DLC1: variants seen among roughly 807,000 people sequenced by gnomAD.
DLC1 encodes the protein DLC1 Rho GTPase activating protein, also known as rho GTPase-activating protein 7.
DLC1 carries 54 observed loss-of-function variants against 140.3 expected under a neutral mutation model. The ratio of observed to expected loss-of-function variants is 0.38; its 90% CI spans 0.31 to 0.48. DLC1 has a LOEUF of 0.48. Among genes scored for constraint, DLC1 ranks in the 20% least tolerant of loss-of-function variants. The pLI, the probability that DLC1 is intolerant of heterozygous loss-of-function variation, is 0.96. For synonymous variants in DLC1, 986 were observed against 728.1 expected (o/e 1.35, Z -5.70); for missense variants, 2,536 against 1,907.0 (o/e 1.33, Z -6.14).
At chr8:13,139,777 G>C (rs1385199183) in intron 5 of DLC1, among the ~76,000 whole-genome samples, 1 of 152,186 alleles carries the variant, frequency 6.6e-6, no homozygotes, top group Non-Finnish European at 1.5e-5. Context: ...TCTTTCGTGT[G>C]TCCCCTGACT....
intron 4 of DLC1, among the ~76,000 whole-genome samples, chr8:13,354,380 C>T (rs1016896354): frequency 4.6e-5 from 7 of 152,094 alleles, no homozygotes; most frequent in African/African-American, 1.7e-4. Context: ...ATGAGACTAT[C>T]CTCCTCGCCT....
chr8:13,115,314 A>T (rs1820454590), intron 6 of DLC1, among the ~76,000 whole-genome samples: 1 of 152,230 alleles, frequency 6.6e-6, no homozygotes, highest in South Asian at 2.1e-4. Context: ...GAGTAGAATT[A>T]TACAAAAAGA....
intron 5 of DLC1, chr8:13,132,869 C>T (rs1822232406): frequency 1.3e-6 from 2 of 1,532,152 alleles, no homozygotes; most frequent in East Asian, 2.4e-5. Flanking sequence ...GGCGGGGTGA[C>T]ACTTTCTCGC....
At chr8:13,353,289 C>T (rs1189571964) in intron 4 of DLC1, 1 of 151,978 alleles carries the variant, frequency 6.6e-6, no homozygotes, top group Non-Finnish European at 1.5e-5. Flanking sequence ...TTTTTTCCCT[C>T]AACTACATAT....
chr8:13,218,534 C>G (rs117450905), intron 5 of DLC1, among the ~76,000 whole-genome samples: 8,778 of 151,868 alleles, frequency 0.058, 358 homozygotes, highest in South Asian at 0.09. Context: ...CTCAGGGTTA[C>G]TAGCCATTAG....
intron 4 of DLC1, among the ~76,000 whole-genome samples, chr8:13,348,067 C>T (rs1014305897): frequency 4.7e-5 from 7 of 148,748 alleles, no homozygotes; most frequent in East Asian, 2.0e-4. Context: ...CCAGCCTGGG[C>T]GACAGAGCAA....
At chr8:13,385,303 A>G (rs1209428808) in intron 4 of DLC1, among the ~76,000 whole-genome samples, 1 of 152,212 alleles carries the variant, frequency 6.6e-6, no homozygotes, top group Admixed American at 6.6e-5. Flanking sequence ...AATCTACAGT[A>G]AAGAGGAAAC....
At chr8:13,582,641 T>A (rs140991126) in intron 1 of DLC1, among the ~76,000 whole-genome samples, 68 of 152,064 alleles carry the variant, frequency 4.5e-4, no homozygotes, top group African/African-American at 1.6e-3. Flanking sequence ...AAACGGCCTA[T>A]TGCGGGATCT....
chr8:13,172,178 T>C (rs1232762985), intron 5 of DLC1, among the ~76,000 whole-genome samples: 1 of 152,228 alleles, frequency 6.6e-6, no homozygotes, highest in Admixed American at 6.5e-5. Context: ...AGTATTAAAG[T>C]GGTAATTATT....
At chr8:13,316,621 T>C (rs147616544) in intron 4 of DLC1, among the ~76,000 whole-genome samples, 1 of 152,166 alleles carries the variant, frequency 6.6e-6, no homozygotes, top group African/African-American at 2.4e-5. Context: ...GGTTGGATTA[T>C]CTAATCCTCT....
intron 5 of DLC1, among the ~76,000 whole-genome samples, chr8:13,299,769 G>C (rs1425781358): frequency 6.6e-6 from 1 of 152,158 alleles, no homozygotes; most frequent in Non-Finnish European, 1.5e-5. Flanking sequence ...GGAAACCCCA[G>C]GGCCAGAGGA....
At position 13,099,773 on chromosome 8, in the gene DLC1, T is replaced by C; in HGVS notation, c.2564A>G (p.Asn855Ser). 1.2e-6 allele frequency: 2 copies of C among 1,614,064 alleles called. No homozygotes were observed. The highest frequency in any genetic ancestry group is 1.7e-6 in the Non-Finnish European group (2 of 1,180,006). Residue 855 changes from asparagine to serine, a missense_variant, in exon 9 of 18, where the codon AAC becomes AGC. Physicochemically the swap from Asn to Ser is conservative, Grantham distance 46 (BLOSUM62 1). Coordinates refer to ENST00000276297, the MANE Select transcript of DLC1 (RefSeq NM_182643.3). ...GPGHISLRRE[N>S]SSDSPKELKR... ...CAGTTCCTTGGGGCTGTCGCTACTG[T>C]TTTCCCTCCTGAGGCTGATGTGGCC...
chr8:13,377,118 C>G (rs1308891482), intron 4 of DLC1, among the ~76,000 whole-genome samples: 1 of 152,120 alleles, frequency 6.6e-6, no homozygotes, highest in Non-Finnish European at 1.5e-5. Context: ...GTGACGATTT[C>G]TAGGGCTTGG....
chr8:13,538,487 C>G (rs778978654), intron 1 of DLC1, among the ~76,000 whole-genome samples: 16 of 151,992 alleles, frequency 1.1e-4, no homozygotes, highest in Non-Finnish European at 1.8e-4. Context: ...AGATATGATG[C>G]CGAGATAAGC....
intron 2 of DLC1, among the ~76,000 whole-genome samples, chr8:13,482,723 G>C (rs1016957453): frequency 1.2e-4 from 19 of 152,202 alleles, no homozygotes; most frequent in African/African-American, 4.3e-4. Flanking sequence ...GAGACAGTGA[G>C]AGAATAGGAT....
chr8:13,165,142 T>G (rs1368964341), intron 5 of DLC1, among the ~76,000 whole-genome samples: 2 of 152,216 alleles, frequency 1.3e-5, no homozygotes, highest in East Asian at 3.8e-4. Flanking sequence ...AGTATACCTT[T>G]TAGTATAACT....
At chr8:13,086,608 T>C (rs1423366903) in intron 16 of DLC1, 145 bp from the exon 17 acceptor site, 9 of 802,308 alleles carry the variant, frequency 1.1e-5, no homozygotes, top group Non-Finnish European at 1.8e-5. Context: ...GTAAATGGCA[T>C]CCTCTAAACT....
chr8:13,387,973 C>A (rs969610269), intron 4 of DLC1, among the ~76,000 whole-genome samples: 3 of 151,962 alleles, frequency 2.0e-5, no homozygotes, highest in Admixed American at 6.6e-5. Flanking sequence ...TCTTGACAGT[C>A]TTCCCAGAAA....
At chr8:13,512,575 T>TTTTATATA (rs1476165662) in intron 1 of DLC1, among the ~76,000 whole-genome samples, 2 of 152,102 alleles carry the variant, frequency 1.3e-5, no homozygotes, top group Admixed American at 6.6e-5. Flanking sequence ...AACTTAGGCT[T>TTTTATATA]TTTATATATT....
Sources: gnomAD v4.1 joint callset for allele counts (sites outside exome capture counted in the v4.1 genomes callset) on GRCh38, gnomAD v4.1.1 for gene constraint, MANE v1.5 for transcripts, NCBI Gene and HGNC (gene_info 2026-07-23, HGNC 2026-07-21) for gene names.